Variants in TLK1 observed in about 807,000 individuals in gnomAD.
TLK1 encodes tousled like kinase 1.
TLK1 carries 24 observed loss-of-function variants against 105.3 expected under a neutral mutation model. The ratio of observed to expected loss-of-function variants is 0.23; its 90% CI spans 0.17 to 0.32. The LOEUF (loss-of-function observed/expected upper bound fraction) is 0.32, where lower values mean the gene tolerates loss of function less well. Among genes scored for constraint, TLK1 ranks in the 10% least tolerant of loss-of-function variants. TLK1 has a pLI of 1.00. For synonymous variants in TLK1, 321 were observed against 310.4 expected, an observed-to-expected ratio of 1.03 and a Z score of -0.36; for missense variants, 558 against 910.5, an observed-to-expected ratio of 0.61 and a Z score of 4.98.
chr2:171,160,619 G>C lies in TLK1; in HGVS notation c.-191C>G, dbSNP rs1027808712. ...GTGGGGAGGAAAGAGGTGAGGGAAG[G>C]AGAGGGGACAGGGAGGAGGGAAAGG... is the stretch of plus-strand genomic sequence containing the variant. On this transcript the variant is annotated 5_prime_UTR_variant, in exon 1 of 21. Transcript: ENST00000431350. The surrounding 1 kb of genome is among the most constrained non-coding windows in gnomAD (Gnocchi z 4.4). The C allele has an allele frequency of 9.3e-6, 8 of 857,524 alleles. No homozygotes were observed. The highest frequency in any genetic ancestry group is 1.8e-5 in the African/African-American group (1 of 55,712). 53.1% of individuals were successfully genotyped at this position (857,524 alleles called of 1,614,324 possible). A position where few individuals can be genotyped will look rare whatever the true frequency, so the allele number is the denominator to read the frequency against.
At chr2:171,185,587 C>T (rs973761564) in intron 1 of TLK1, among the ~76,000 whole-genome samples, 1 of 152,148 alleles carries the variant, frequency 6.6e-6, no homozygotes, top group Non-Finnish European at 1.5e-5. Context: ...ATCTTCCATT[C>T]CTCCTTCAAG....
chr2:171,118,047 T>G (rs1690508127), intron 1 of TLK1, among the ~76,000 whole-genome samples, 190 bp from the exon 2 acceptor site: 1 of 152,240 alleles, frequency 6.6e-6, no homozygotes, highest in Non-Finnish European at 1.5e-5. Context: ...ACAATGGATT[T>G]CCAACACTTT....
intron 1 of TLK1, among the ~76,000 whole-genome samples, chr2:171,168,172 C>T (rs966127822): frequency 2.0e-5 from 3 of 151,908 alleles, no homozygotes; most frequent in African/African-American, 2.4e-5. Context: ...CTTTGATCTT[C>T]GACAATATCT....
At chr2:170,997,652 A>G (rs1488768175) in intron 19 of TLK1, 60 bp downstream of exon 19, 1 of 1,159,202 alleles carries the variant, frequency 8.6e-7, no homozygotes, top group African/African-American at 1.6e-5. Context: ...TGCTTTTAAG[A>G]AGGAAAAATT....
intron 14 of TLK1, among the ~76,000 whole-genome samples, chr2:171,009,348 G>A (rs1257483980): frequency 2.2e-5 from 3 of 136,054 alleles, no homozygotes; most frequent in Non-Finnish European, 4.5e-5. Flanking sequence ...CTGTCCCCCA[G>A]GGTGGAGTGC....
intron 18 of TLK1, among the ~76,000 whole-genome samples, chr2:170,998,110 C>CT (rs1278024186): frequency 9.3e-4 from 138 of 147,862 alleles, no homozygotes; most frequent in Middle Eastern, 3.5e-3. Flanking sequence ...ACCTACCTAC[C>CT]ACCTACCTAC....
chr2:171,155,032 G>A (rs1282460361), intron 1 of TLK1, among the ~76,000 whole-genome samples: 2 of 152,086 alleles, frequency 1.3e-5, no homozygotes, highest in African/African-American at 4.8e-5. Context: ...GGAATAAGAT[G>A]AGAATTTAAA....
chr2:171,101,182 C>T (rs535060818), intron 2 of TLK1, among the ~76,000 whole-genome samples: 1 of 152,010 alleles, frequency 6.6e-6, no homozygotes, highest in South Asian at 2.1e-4. Flanking sequence ...CTCATCTCTA[C>T]TAAAAATACA....
intron 6 of TLK1, among the ~76,000 whole-genome samples, chr2:171,055,438 A>G (rs909358731): frequency 3.3e-5 from 5 of 152,020 alleles, no homozygotes; most frequent in Non-Finnish European, 7.4e-5. Flanking sequence ...TAGTGCCATA[A>G]AAGAAATCTT....
intron 1 of TLK1, among the ~76,000 whole-genome samples, chr2:171,137,776 G>C (rs1040006953): frequency 1.3e-5 from 2 of 151,794 alleles, no homozygotes; most frequent in African/African-American, 4.8e-5. Flanking sequence ...TTGAACCCAG[G>C]AGGTGAAGGT....
chr2:171,113,103 GA>G (rs1558948755), intron 2 of TLK1, among the ~76,000 whole-genome samples: 3 of 151,888 alleles, frequency 2.0e-5, no homozygotes, highest in African/African-American at 7.3e-5. Flanking sequence ...GTCAACCCCA[GA>G]AAAAGAGTAA....
chr2:171,163,692 A>G (rs1267237052), upstream of TLK1, among the ~76,000 whole-genome samples: 1 of 152,022 alleles, frequency 6.6e-6, no homozygotes, highest in Non-Finnish European at 1.5e-5. Context: ...CTTTCTCCCA[A>G]CCTTCTCCAG....
chr2:171,160,831 G>C lies in TLK1; in HGVS notation c.-403C>G. The C allele has an allele frequency of 2.9e-6, 1 of 341,940 alleles. No individual in the cohort carries two copies. Among genetic ancestry groups the C allele is most frequent in the Middle Eastern group, 7.7e-4 (1 of 1,294 alleles). 21.2% of individuals were successfully genotyped at this position (341,940 alleles called of 1,614,324 possible). On this transcript the variant is annotated 5_prime_UTR_variant, in exon 1 of 21. Transcript: ENST00000431350. This position sits in a 1 kb window ranked among gnomAD's most constrained non-coding sequence, Gnocchi z 4.4. Reference sequence around the variant, plus strand: ...CCTCTGCAGTGCGTCGGCCCCCGGCGTCGCCCGGGAGGCGGCGGCGGCGGG... The same window carrying C: ...CCTCTGCAGTGCGTCGGCCCCCGGCCTCGCCCGGGAGGCGGCGGCGGCGGG...
At chr2:171,002,507 C>G (rs996609974) in intron 18 of TLK1, among the ~76,000 whole-genome samples, 10 of 152,086 alleles carry the variant, frequency 6.6e-5, no homozygotes, top group African/African-American at 1.9e-4. Flanking sequence ...ATCTCCTGAC[C>G]TCGTGATCCA....
At chr2:171,111,047 T>C (rs895177698) in intron 2 of TLK1, among the ~76,000 whole-genome samples, 9 of 151,198 alleles carry the variant, frequency 6.0e-5, no homozygotes, top group African/African-American at 2.2e-4. Flanking sequence ...AAGGCAGAAA[T>C]CACTGCGGAA....
intron 1 of TLK1, among the ~76,000 whole-genome samples, chr2:171,178,454 A>G (rs1692872483): frequency 6.6e-6 from 1 of 152,174 alleles, no homozygotes; most frequent in Non-Finnish European, 1.5e-5. Flanking sequence ...TTGGCTTCTC[A>G]CCCTTTCTTG....
intron 1 of TLK1, among the ~76,000 whole-genome samples, chr2:171,181,081 C>A (rs1201915744): frequency 6.6e-6 from 1 of 152,152 alleles, no homozygotes; most frequent in Admixed American, 6.5e-5. Flanking sequence ...TTGTTCTGAT[C>A]TTTCAACAGA....
At chr2:171,218,448 C>CT (rs1318502873) in intron 1 of TLK1, among the ~76,000 whole-genome samples, 1 of 152,130 alleles carries the variant, frequency 6.6e-6, no homozygotes, top group African/African-American at 2.4e-5. Flanking sequence ...ACTGGTTGTA[C>CT]AACAATGAAA....
At chr2:171,014,658 A>AT (rs1281359018) in intron 13 of TLK1, among the ~76,000 whole-genome samples, 193 bp downstream of exon 13, 2 of 152,192 alleles carry the variant, frequency 1.3e-5, no homozygotes, top group Non-Finnish European at 2.9e-5. Context: ...TGCTCTTGAC[A>AT]TGTTTAAGAG....
Sources: gnomAD v4.1 joint callset for allele counts (sites outside exome capture counted in the v4.1 genomes callset) on GRCh38, gnomAD v4.1.1 for gene constraint, Gnocchi (gnomAD v3.1) non-coding constraint, MANE v1.5 for transcripts, NCBI Gene and HGNC (gene_info 2026-07-23, HGNC 2026-07-21) for gene names.